MSRA: variants seen among roughly 807,000 people sequenced by gnomAD.
The protein encoded by MSRA is mitochondrial peptide methionine sulfoxide reductase.
A neutral mutation model predicts 31.3 loss-of-function variants in MSRA; 54 were observed. That is an observed-to-expected ratio of 1.73 (90% CI 1.39 to 2.17). The LOEUF (loss-of-function observed/expected upper bound fraction) is 2.17. MSRA is among the 30% of genes most tolerant of loss of function. MSRA has a pLI of 0.00. For synonymous variants in MSRA, 169 were observed against 116.5 expected, an observed-to-expected ratio of 1.45 and a Z score of -2.90; for missense variants, 507 against 300.9, an observed-to-expected ratio of 1.69 and a Z score of -5.07.
chr8:10,224,050 A>G (rs1179777043), intron 2 of MSRA, among the ~76,000 whole-genome samples: 2 of 152,180 alleles, frequency 1.3e-5, no homozygotes, highest in Non-Finnish European at 2.9e-5. Context: ...CATTTGTTCA[A>G]TGGAGATAGT....
At chr8:10,071,147 C>T (rs1797713786) in intron 1 of MSRA, among the ~76,000 whole-genome samples, 1 of 152,220 alleles carries the variant, frequency 6.6e-6, no homozygotes, top group African/African-American at 2.4e-5. Flanking sequence ...GATTTCTCTG[C>T]ATCCTCTCTA....
At chr8:10,335,923 A>C (rs1024275046) in intron 5 of MSRA, among the ~76,000 whole-genome samples, 2 of 152,130 alleles carry the variant, frequency 1.3e-5, no homozygotes, top group Non-Finnish European at 2.9e-5. Flanking sequence ...TGATACGTAC[A>C]TGGGGGAGCC....
At chr8:10,368,685 G>A (rs1805305589) in intron 5 of MSRA, among the ~76,000 whole-genome samples, 1 of 152,214 alleles carries the variant, frequency 6.6e-6, no homozygotes, top group Non-Finnish European at 1.5e-5. Flanking sequence ...TTAAAACAAA[G>A]CAGTTGTAAA....
At chr8:10,147,131 G>A (rs901319236) in intron 1 of MSRA, among the ~76,000 whole-genome samples, 2 of 152,152 alleles carry the variant, frequency 1.3e-5, no homozygotes, top group Non-Finnish European at 2.9e-5. Flanking sequence ...AGCAGGGCCC[G>A]GTGCTGTCTG....
At chr8:10,324,054 A>G (rs2129140273) in intron 5 of MSRA, among the ~76,000 whole-genome samples, 1 of 152,286 alleles carries the variant, frequency 6.6e-6, no homozygotes, top group Non-Finnish European at 1.5e-5. Context: ...ACTGAAACCC[A>G]GAGTTTCAGA....
intron 4 of MSRA, among the ~76,000 whole-genome samples, chr8:10,313,498 A>AAC (rs1181719900): frequency 1.3e-5 from 2 of 151,938 alleles, no homozygotes; most frequent in African/African-American, 4.8e-5. Context: ...CAAACAAACA[A>AAC]AAAAAAACAT....
At chr8:10,350,779 C>T (rs1190853357) in intron 5 of MSRA, among the ~76,000 whole-genome samples, 1 of 152,194 alleles carries the variant, frequency 6.6e-6, no homozygotes, top group Non-Finnish European at 1.5e-5. Context: ...CGACTTACCC[C>T]CGAGGCCTCG....
intron 5 of MSRA, among the ~76,000 whole-genome samples, chr8:10,327,967 G>A (rs938747242): frequency 5.4e-5 from 8 of 148,402 alleles, no homozygotes; most frequent in Admixed American, 3.3e-4. Context: ...ACTCACCTGC[G>A]CTACCAATGC....
At chr8:10,221,426 GTA>G in intron 2 of MSRA, among the ~76,000 whole-genome samples, 1 of 139,644 alleles carries the variant, frequency 7.2e-6, no homozygotes, top group Non-Finnish European at 1.6e-5. Context: ...ATATATATAT[GTA>G]TATATGTGTA....
chr8:10,135,769 T>C (rs1033124721), intron 1 of MSRA, among the ~76,000 whole-genome samples: 43 of 152,354 alleles, frequency 2.8e-4, no homozygotes, highest in African/African-American at 1.0e-3. Flanking sequence ...GCCCAGCACA[T>C]GTTTGCATAT....
At chr8:10,118,300 C>G (rs939815328) in intron 1 of MSRA, among the ~76,000 whole-genome samples, 3 of 152,132 alleles carry the variant, frequency 2.0e-5, no homozygotes, top group African/African-American at 7.2e-5. Flanking sequence ...CAAACATAGG[C>G]TGAGTGTTAG....
chr8:10,423,874 C>T (rs1808964187), intron 5 of MSRA, among the ~76,000 whole-genome samples: 1 of 152,216 alleles, frequency 6.6e-6, no homozygotes, highest in African/African-American at 2.4e-5. Context: ...CAGAGAGAAT[C>T]TCCAGGAGAT....
chr8:10,300,122 A>C (rs1303810572), intron 3 of MSRA, among the ~76,000 whole-genome samples: 1 of 103,206 alleles, frequency 9.7e-6, no homozygotes, highest in Non-Finnish European at 1.8e-5. Flanking sequence ...AGTGGAAGAA[A>C]TTTGTGTGTG....
At chr8:10,158,428 A>G (rs1452283102) in intron 1 of MSRA, among the ~76,000 whole-genome samples, 4 of 152,208 alleles carry the variant, frequency 2.6e-5, no homozygotes, top group African/African-American at 4.8e-5. Context: ...TTCTGTGTCT[A>G]TAGATTTGTC....
intron 1 of MSRA, among the ~76,000 whole-genome samples, chr8:10,193,475 G>A (rs1362480041): frequency 6.6e-6 from 1 of 152,198 alleles, no homozygotes; most frequent in Non-Finnish European, 1.5e-5. Context: ...TTGCTAGAAT[G>A]TGCAAGTTTT....
At chr8:10,232,346 C>T (rs1307149796) in intron 2 of MSRA, among the ~76,000 whole-genome samples, 1 of 152,132 alleles carries the variant, frequency 6.6e-6, no homozygotes. Flanking sequence ...CCTTAGTAGG[C>T]AGAGGTGGAG....
intron 2 of MSRA, among the ~76,000 whole-genome samples, chr8:10,230,092 G>C (rs1341437443): frequency 2.6e-5 from 4 of 152,322 alleles, no homozygotes; most frequent in African/African-American, 7.2e-5. Flanking sequence ...AGCCTCATAC[G>C]TGCAAGGTGC....
chr8:10,340,197 C>G (rs770895258), intron 5 of MSRA, among the ~76,000 whole-genome samples: 11 of 152,252 alleles, frequency 7.2e-5, no homozygotes, highest in Middle Eastern at 3.4e-3. Context: ...ACACACCTGC[C>G]CATTCCCAGC....
chr8:10,092,669 TG>T (rs138668945), intron 1 of MSRA, among the ~76,000 whole-genome samples: 9,283 of 152,056 alleles, frequency 0.061, 919 homozygotes, highest in African/African-American at 0.21. Flanking sequence ...CTGCTCTTGT[TG>T]GGTAGATTGT....
Sources: allele counts gnomAD v4.1 joint callset (sites outside exome capture counted in the v4.1 genomes callset), GRCh38; gene constraint gnomAD v4.1.1; transcripts MANE v1.5; gene names NCBI Gene and HGNC (gene_info 2026-07-23, HGNC 2026-07-21).